MPDZ: variants seen among roughly 807,000 people sequenced by gnomAD.
MPDZ encodes multiple PDZ domain protein.
MPDZ carries 234 observed loss-of-function variants against 239.1 expected under a neutral mutation model. The ratio of observed to expected loss-of-function variants is 0.98; its 90% CI spans 0.88 to 1.09. The LOEUF is 1.09. Ranked by LOEUF, MPDZ falls within the 50% of genes least tolerant of loss-of-function variation. MPDZ has a pLI of 0.00. For missense variants in MPDZ, 3,175 were observed against 2,510.0 expected (o/e 1.26, Z -5.66); for synonymous variants, 1,048 against 881.3 (o/e 1.19, Z -3.35).
chr9:13,110,764 C>T, intron 43 of MPDZ, 24 bp from the exon 44 acceptor site: 2 of 1,580,302 alleles, frequency 1.3e-6, no homozygotes, highest in Non-Finnish European at 1.7e-6. Context: ...AAAGAAACAG[C>T]CATCTGCTAA....
At position 13,229,577 on chromosome 9, in the gene MPDZ, TACAC is replaced by T. The variant is rs139327129; in HGVS notation, c.184-4998_184-4995del. On this transcript the variant is annotated intron_variant, in intron 3 of 46. Coordinates refer to ENST00000319217, the MANE Select transcript of MPDZ (RefSeq NM_001378778.1). ...GATTTTTCATGCCACACACCACACT[TACAC>T]ACACACACACACACACACACACACC... is the stretch of plus-strand genomic sequence containing the variant. Among the ~76,000 whole-genome samples, 1,032 of 136,082 alleles carry T rather than the reference TACAC, an allele frequency of 7.6e-3. 10 individuals carry two copies. The highest frequency in any genetic ancestry group is 0.022 in the African/African-American group (835 of 37,288). 89.3% of individuals were successfully genotyped at this position (136,082 alleles called of 152,430 possible). A position where few individuals can be genotyped will look rare whatever the true frequency, so the allele number is the denominator to read the frequency against.
At chr9:13,213,361 T>C (rs1476906545) in intron 10 of MPDZ, among the ~76,000 whole-genome samples, 3 of 152,012 alleles carry the variant, frequency 2.0e-5, no homozygotes, top group African/African-American at 7.2e-5. Context: ...AAAATAACTC[T>C]TCAAAATAGT....
intron 12 of MPDZ, among the ~76,000 whole-genome samples, chr9:13,202,586 A>C (rs1051275276): frequency 4.6e-5 from 7 of 152,052 alleles, no homozygotes; most frequent in African/African-American, 1.7e-4. Flanking sequence ...AATTCACCCC[A>C]AGTGCTTTAG....
chr9:13,165,235 A>C, intron 22 of MPDZ: 1 of 865,476 alleles, frequency 1.2e-6, no homozygotes. Context: ...CAAAGAAAAC[A>C]ATCTAAAATG....
chr9:13,257,930 G>A (rs1326309405), intron 1 of MPDZ, among the ~76,000 whole-genome samples: 1 of 152,074 alleles, frequency 6.6e-6, no homozygotes, highest in Admixed American at 6.6e-5. Flanking sequence ...CTATGTACAT[G>A]CTAGCTTAGA....
At chr9:13,236,249 G>GTGTATATATATATATA (rs1329605248) in intron 3 of MPDZ, among the ~76,000 whole-genome samples, 1 of 35,864 alleles carries the variant, frequency 2.8e-5, no homozygotes, top group East Asian at 1.3e-3. Flanking sequence ...GTGTGTGTGT[G>GTGTATATATATATATA]TATATATATA....
intron 28 of MPDZ, among the ~76,000 whole-genome samples, chr9:13,138,389 A>G (rs1947157462): frequency 6.6e-6 from 1 of 152,188 alleles, no homozygotes; most frequent in Admixed American, 6.5e-5. Flanking sequence ...TGTCTGATTA[A>G]TCAGTTCACC....
intron 21 of MPDZ, among the ~76,000 whole-genome samples, chr9:13,168,969 G>A (rs1951442297): frequency 1.3e-5 from 2 of 152,090 alleles, no homozygotes. Context: ...TGTAAATTAA[G>A]CAATTATCCG....
intron 19 of MPDZ, among the ~76,000 whole-genome samples, chr9:13,178,669 G>A (rs1015270316): frequency 4.6e-5 from 7 of 152,120 alleles, no homozygotes; most frequent in Non-Finnish European, 8.8e-5. Context: ...TATCTTAATA[G>A]GCATTTACAG....
In MPDZ at chr9:13,158,020, C is replaced by T. The variant is rs1563925074; in HGVS notation, c.3450G>A (p.Arg1150=). 1 of 1,612,096 alleles carries T rather than the reference C, an allele frequency of 6.2e-7. No homozygotes were observed. ...NTAYSNWNQP[R]RVELWREPSK... is the part of the protein sequence containing the mutation. Reference sequence around the variant, plus strand: ...CAGAAGACAGAAATAGTCCTTACCGCCTGGGCTGATTCCAATTGCTATATG... The same window carrying T: ...CAGAAGACAGAAATAGTCCTTACCGTCTGGGCTGATTCCAATTGCTATATG... The change falls in exon 24 of 47, where the codon AGG becomes AGA. Residue 1150 remains arginine, a splice_region_variant and synonymous_variant. Coordinates refer to ENST00000319217, the MANE Select transcript of MPDZ (RefSeq NM_001378778.1).
At chr9:13,128,974 G>A (rs1249521055) in intron 32 of MPDZ, among the ~76,000 whole-genome samples, 1 of 152,168 alleles carries the variant, frequency 6.6e-6, no homozygotes, top group Non-Finnish European at 1.5e-5. Flanking sequence ...CTTGAAGGTT[G>A]CTGACCTGAG....
At chr9:13,199,638 T>C (rs1956144723) in intron 12 of MPDZ, among the ~76,000 whole-genome samples, 1 of 152,104 alleles carries the variant, frequency 6.6e-6, no homozygotes, top group African/African-American at 2.4e-5. Context: ...TGTGGATTTT[T>C]CATATATGGC....
chr9:13,164,157 T>C (rs1353384919), intron 22 of MPDZ, among the ~76,000 whole-genome samples: 3 of 152,320 alleles, frequency 2.0e-5, no homozygotes, highest in Non-Finnish European at 4.4e-5. Context: ...TGGGAATCTC[T>C]TCGTGACACT....
intron 14 of MPDZ, 48 bp from the exon 15 acceptor site, chr9:13,192,343 A>G: frequency 6.7e-7 from 1 of 1,491,530 alleles, no homozygotes; most frequent in Admixed American, 2.1e-5. Flanking sequence ...CATAATATGA[A>G]CATTCTTTTG....
Position 13,224,564 on chromosome 9 carries a change from G to T in MPDZ, c.203C>A (p.Ala68Glu). 6.2e-7 allele frequency: 1 copy of T among 1,610,186 alleles called. No homozygotes were observed. The highest frequency in any genetic ancestry group is 8.5e-7 in the Non-Finnish European group (1 of 1,177,772). Reference protein sequence around the residue: ...LKDQVNIATSATSNIEYAHVP... With the variant: ...LKDQVNIATSETSNIEYAHVP... ...GTGGGCATATTCAATATTTGAAGTT[G>T]CTGAAGTTGCAATATTTACCTAAGA... Residue 68 changes from alanine (A) to glutamate (E), a missense_variant, in exon 4 of 47, where the codon GCA (alanine) becomes GAA (glutamate). Physicochemically the swap from Ala to Glu is moderately radical, Grantham distance 107 (BLOSUM62 -1). Coordinates refer to ENST00000319217, the MANE Select transcript of MPDZ (RefSeq NM_001378778.1).
chr9:13,149,508 C>G (rs1006047037), intron 25 of MPDZ, among the ~76,000 whole-genome samples: 1 of 152,004 alleles, frequency 6.6e-6, no homozygotes, highest in Non-Finnish European at 1.5e-5. Context: ...AGGTCAGGTA[C>G]TCCTTTCTCT....
intron 3 of MPDZ, among the ~76,000 whole-genome samples, chr9:13,226,090 T>C (rs1960497460): frequency 1.3e-5 from 2 of 152,166 alleles, no homozygotes; most frequent in East Asian, 3.9e-4. Context: ...TCCTTATACC[T>C]TTAACTTTGT....
At chr9:13,270,815 T>C (rs1258010390) in intron 1 of MPDZ, among the ~76,000 whole-genome samples, 1 of 152,184 alleles carries the variant, frequency 6.6e-6, no homozygotes, top group Non-Finnish European at 1.5e-5. Context: ...ATGATCTGAA[T>C]TGTAACATAT....
At chr9:13,216,015 G>A (rs1052319609) in intron 10 of MPDZ, among the ~76,000 whole-genome samples, 2 of 143,442 alleles carry the variant, frequency 1.4e-5, no homozygotes, top group Non-Finnish European at 3.0e-5. Context: ...TGAGCCACCA[G>A]CTCAGTGAAG....
Sources: gnomAD v4.1 joint callset for allele counts (sites outside exome capture counted in the v4.1 genomes callset) on GRCh38, gnomAD v4.1.1 for gene constraint, MANE v1.5 for transcripts, NCBI Gene and HGNC (gene_info 2026-07-23, HGNC 2026-07-21) for gene names.